The following L2HGDH variants were observed in gnomAD, a reference collection of about 807,000 sequenced individuals.
L2HGDH encodes L-2-hydroxyglutarate dehydrogenase, also known as L-2-hydroxyglutarate dehydrogenase, mitochondrial.
A neutral mutation model predicts 51.5 loss-of-function variants in L2HGDH; 34 were observed. That is an observed-to-expected ratio of 0.66 (90% CI 0.50 to 0.88). L2HGDH has a LOEUF of 0.88. L2HGDH is among the 40% of genes least tolerant of loss of function. L2HGDH has a pLI of 0.00. For synonymous variants in L2HGDH, 198 were observed against 197.9 expected (o/e 1.00, Z -0.01); for missense variants, 558 against 571.9 (o/e 0.98, Z 0.25).
chr14:50,279,835 T>G (rs1341911187), intron 5 of L2HGDH, among the ~76,000 whole-genome samples: 1 of 152,056 alleles, frequency 6.6e-6, no homozygotes, highest in East Asian at 2.0e-4. Flanking sequence ...CCGAAGTGGG[T>G]GGATCACCTG....
At chr14:50,270,021 G>T (rs1291768053) in intron 6 of L2HGDH, among the ~76,000 whole-genome samples, 2 of 151,982 alleles carry the variant, frequency 1.3e-5, no homozygotes, top group African/African-American at 4.8e-5. Flanking sequence ...GTTACTCTTC[G>T]GTTGCTTCAC....
At chr14:50,257,464 G>T (rs923648701) in intron 9 of L2HGDH, among the ~76,000 whole-genome samples, 10 of 151,522 alleles carry the variant, frequency 6.6e-5, no homozygotes, top group Non-Finnish European at 1.3e-4. Flanking sequence ...TGACCTCTTA[G>T]GCTCAAGCCA....
chr14:50,308,942 C>T (rs1440630907), intron 1 of L2HGDH, among the ~76,000 whole-genome samples: 1 of 152,124 alleles, frequency 6.6e-6, no homozygotes, highest in Admixed American at 6.5e-5. Context: ...TTTGAAAAAC[C>T]TGCTATCAAT....
rs774963638 is a variant in L2HGDH, at chr14:50,242,889, A to G, written c.*4169T>C. On this transcript the variant is annotated 3_prime_UTR_variant, in exon 10 of 10. Coordinates refer to ENST00000267436, the MANE Select transcript of L2HGDH (RefSeq NM_024884.3). The stretch of plus-strand genomic sequence containing the variant: ...GCCCAGGAGGGCAGAGCCAGTCCTT[A>G]AACAATATAGACACCATGTCTCCTG... 57 of 985,464 alleles carry G rather than the reference A, an allele frequency of 5.8e-5. No individual in the cohort carries two copies. Among genetic ancestry groups the G allele is most frequent in the Non-Finnish European group, 6.9e-5 (57 of 829,944 alleles). The allele number at this position is 985,464 out of a possible 1,614,324, so 61.0% of individuals were successfully genotyped here.
intron 4 of L2HGDH, among the ~76,000 whole-genome samples, chr14:50,287,479 T>C (rs1265667168): frequency 6.6e-6 from 1 of 152,000 alleles, no homozygotes; most frequent in African/African-American, 2.4e-5. Flanking sequence ...GATGTACTTT[T>C]TTTTTTTGAT....
chr14:50,301,949 T>C, intron 3 of L2HGDH, 68 bp downstream of exon 3: 7 of 1,488,488 alleles, frequency 4.7e-6, no homozygotes, highest in Non-Finnish European at 6.5e-6. Flanking sequence ...TTTTAAAAAA[T>C]GTAATATTAA....
chr14:50,300,603 A>C (rs2030354203), intron 3 of L2HGDH, among the ~76,000 whole-genome samples: 1 of 152,070 alleles, frequency 6.6e-6, no homozygotes, highest in Non-Finnish European at 1.5e-5. Context: ...CCGGCCCATA[A>C]CGTATACATA....
At chr14:50,265,265 C>A in intron 9 of L2HGDH, 93 bp downstream of exon 9, 1 of 1,097,628 alleles carries the variant, frequency 9.1e-7, no homozygotes, top group South Asian at 1.3e-5. Context: ...CAGACTGACT[C>A]TGAAATGGTA....
intron 1 of L2HGDH, among the ~76,000 whole-genome samples, chr14:50,307,062 C>T (rs971105823): frequency 6.6e-6 from 1 of 152,096 alleles, no homozygotes. Context: ...GTGATCCACC[C>T]GCCTCGGCCT....
In L2HGDH at chr14:50,262,692, C is replaced by T. The variant is rs530151314; in HGVS notation, c.1196+2666G>A. The stretch of plus-strand genomic sequence containing the variant: ...TCATACTACATGTATAATCCGTAAG[C>T]AATATATGGTTTTGCTATACTTGTT... On this transcript the variant is annotated intron_variant, in intron 9 of 9. Coordinates refer to ENST00000267436, the MANE Select transcript of L2HGDH (RefSeq NM_024884.3). 5.9e-5 allele frequency among the ~76,000 whole-genome samples: 9 copies of T among 152,026 alleles called. No individual in the cohort carries two copies. The South Asian group carries it at 1.9e-3, about 32-fold the overall frequency.
chr14:50,255,035 G>A (rs1888578985), intron 9 of L2HGDH, among the ~76,000 whole-genome samples: 1 of 151,822 alleles, frequency 6.6e-6, no homozygotes, highest in South Asian at 2.1e-4. Context: ...GTGACAGAGT[G>A]AGACCCTGTC....
At chr14:50,258,507 G>T (rs992564438) in intron 9 of L2HGDH, among the ~76,000 whole-genome samples, 1 of 150,034 alleles carries the variant, frequency 6.7e-6, no homozygotes, top group African/African-American at 2.5e-5. Flanking sequence ...ATAGGTGTCA[G>T]CCACCACGCC....
In L2HGDH at chr14:50,243,196, A is replaced by G; in HGVS notation, c.*3862T>C. ...CTTTGATATACACATATATGTATGGATAAAAGAGTTAAGCTACGTAACATG... is the reference window on the plus strand; with the variant it reads ...CTTTGATATACACATATATGTATGGGTAAAAGAGTTAAGCTACGTAACATG... On this transcript the variant is annotated 3_prime_UTR_variant, in exon 10 of 10. Coordinates refer to ENST00000267436, the MANE Select transcript of L2HGDH (RefSeq NM_024884.3). 2 of 985,400 alleles carry G rather than the reference A, an allele frequency of 2.0e-6. No individual in the cohort carries two copies. Among genetic ancestry groups the G allele is most frequent in the Non-Finnish European group, 2.4e-6 (2 of 829,874 alleles). 61.0% of individuals were successfully genotyped at this position (985,400 alleles called of 1,614,324 possible).
At chr14:50,269,048 A>C in intron 7 of L2HGDH, 115 bp downstream of exon 7, 3 of 867,118 alleles carry the variant, frequency 3.5e-6, no homozygotes, top group Non-Finnish European at 5.7e-6. Flanking sequence ...AAATGCTTAC[A>C]AAAACGGTCC....
intron 9 of L2HGDH, among the ~76,000 whole-genome samples, chr14:50,253,723 T>A (rs1457719179): frequency 6.6e-6 from 1 of 152,132 alleles, no homozygotes; most frequent in African/African-American, 2.4e-5. Flanking sequence ...CAAAGAGATA[T>A]CTGAATTTCC....
At chr14:50,285,719 C>T (rs1375109009) in intron 4 of L2HGDH, among the ~76,000 whole-genome samples, 2 of 152,116 alleles carry the variant, frequency 1.3e-5, no homozygotes, top group Admixed American at 6.5e-5. Context: ...TCATCTTATG[C>T]TCCTATTACC....
intron 4 of L2HGDH, among the ~76,000 whole-genome samples, chr14:50,292,603 G>A (rs1890943496): frequency 1.3e-5 from 2 of 152,152 alleles, no homozygotes; most frequent in South Asian, 4.1e-4. Context: ...CTACTCGGGA[G>A]GCTGAGGCAG....
chr14:50,289,994 A>G (rs139363658), intron 4 of L2HGDH, among the ~76,000 whole-genome samples: 5,278 of 152,254 alleles, frequency 0.035, 296 homozygotes, highest in African/African-American at 0.12. Context: ...GGCCAGGCGC[A>G]GTGGCTCACG....
chr14:50,310,415 T>A (rs1268219397), intron 1 of L2HGDH, among the ~76,000 whole-genome samples: 6 of 151,894 alleles, frequency 4.0e-5, no homozygotes, highest in African/African-American at 1.5e-4. Flanking sequence ...TACTTCAAAA[T>A]AAAAGTATAG....
Sources: gnomAD v4.1 joint callset for allele counts (sites outside exome capture counted in the v4.1 genomes callset) on GRCh38, gnomAD v4.1.1 for gene constraint, MANE v1.5 for transcripts, NCBI Gene and HGNC (gene_info 2026-07-23, HGNC 2026-07-21) for gene names.